The following EGFLAM variants were observed in gnomAD, a reference collection of about 807,000 sequenced individuals.
The protein encoded by EGFLAM is EGF like, fibronectin type III and laminin G domains, also known as pikachurin.
Under a neutral mutation model 113.1 loss-of-function variants are expected in EGFLAM, and 79 were observed. The observed-to-expected ratio is 0.70, with a 90% confidence interval of 0.58 to 0.84. EGFLAM has a LOEUF of 0.84. Ranked by LOEUF, EGFLAM falls within the 40% of genes least tolerant of loss-of-function variation. The pLI is 0.00. For missense variants in EGFLAM, 1,265 were observed against 1,291.6 expected (o/e 0.98, Z 0.32); for synonymous variants, 504 against 487.6 (o/e 1.03, Z -0.44).
chr5:38,368,555 C>G (rs1366286), intron 5 of EGFLAM, among the ~76,000 whole-genome samples: 79,645 of 152,036 alleles, frequency 0.52, 23,086 homozygotes, highest in African/African-American at 0.79. Context: ...AGCAAAATGA[C>G]TCTCTATTTC....
chr5:38,409,436 T>C (rs1477428767), intron 10 of EGFLAM, among the ~76,000 whole-genome samples: 1 of 151,778 alleles, frequency 6.6e-6, no homozygotes, highest in Non-Finnish European at 1.5e-5. Context: ...GCACTGCAGG[T>C]GCTGTTGAAT....
chr5:38,402,244 C>A (rs958350949), intron 6 of EGFLAM, among the ~76,000 whole-genome samples: 1 of 152,120 alleles, frequency 6.6e-6, no homozygotes, highest in African/African-American at 2.4e-5. Flanking sequence ...CAACAAAAAC[C>A]TGAAAACATA....
At chr5:38,456,667 A>G (rs891628329) in intron 19 of EGFLAM, among the ~76,000 whole-genome samples, 3 of 152,182 alleles carry the variant, frequency 2.0e-5, no homozygotes, top group African/African-American at 7.2e-5. Context: ...GGAATGATCT[A>G]TGGTGCTTTC....
In EGFLAM at chr5:38,448,321, A is replaced by T; in HGVS notation, c.2485A>T (p.Ile829Phe). The change falls in exon 18 of 22, where the codon ATC becomes TTC. Residue 829 changes from isoleucine to phenylalanine, a missense_variant. Transcript: ENST00000322350. Reference protein sequence around the residue: ...CQKAIIEAIEIPQFIGRSYLT... With the variant: ...CQKAIIEAIEFPQFIGRSYLT... ...CCCAGCGATCATAGAAGCCATTGAGATCCCGCAGTTTATCGGCCGCAGTTA... is the reference window on the plus strand; with the variant it reads ...CCCAGCGATCATAGAAGCCATTGAGTTCCCGCAGTTTATCGGCCGCAGTTA... 1 of 1,614,150 alleles carries T rather than the reference A, an allele frequency of 6.2e-7. No homozygotes were observed. Among genetic ancestry groups the T allele is most frequent in the South Asian group, 1.1e-5 (1 of 91,080 alleles).
At chr5:38,315,866 A>C (rs906650118) in intron 1 of EGFLAM, among the ~76,000 whole-genome samples, 1 of 152,158 alleles carries the variant, frequency 6.6e-6, no homozygotes, top group Non-Finnish European at 1.5e-5. Flanking sequence ...ACCTGAGGTC[A>C]GGAGTTCGAG....
rs2561810 is a variant in EGFLAM, at chr5:38,432,702, T to C, written c.2166+1414T>C. On this transcript the variant is annotated intron_variant, in intron 15 of 21. Transcript: ENST00000322350. ...TCTCTATAGATCTTAGTTGCAAACA[T>C]CTGTAAAACAGGAACAAAAGCTGAG... is the stretch of plus-strand genomic sequence containing the variant. Among the ~76,000 whole-genome samples, 661 of 152,346 alleles carry C rather than the reference T, an allele frequency of 4.3e-3. 6 individuals are homozygous for C. Among genetic ancestry groups the C allele is most frequent in the African/African-American group, 0.015 (638 of 41,578 alleles).
intron 7 of EGFLAM, 113 bp from the exon 8 acceptor site, chr5:38,406,715 T>C: frequency 1.0e-6 from 1 of 985,410 alleles, no homozygotes. Flanking sequence ...ATCTCCATCC[T>C]AGGGTTTTTG....
intron 1 of EGFLAM, among the ~76,000 whole-genome samples, chr5:38,300,377 T>TC (rs1758547399): frequency 1.1e-5 from 1 of 88,168 alleles, no homozygotes; most frequent in African/African-American, 4.0e-5. Context: ...CTCTCTCTCT[T>TC]TTTTTTTTTT....
intron 17 of EGFLAM, chr5:38,445,839 C>A: frequency 1.1e-6 from 1 of 944,288 alleles, no homozygotes. Context: ...CCCCGCCGGC[C>A]AGCCAGAGGA....
At chr5:38,379,573 G>C (rs1242503003) in intron 6 of EGFLAM, among the ~76,000 whole-genome samples, 1 of 152,040 alleles carries the variant, frequency 6.6e-6, no homozygotes, top group Non-Finnish European at 1.5e-5. Flanking sequence ...TCAGTCTTCA[G>C]GCAGATAAGA....
rs115703765 is a variant in EGFLAM, at chr5:38,412,659, G to A, written c.1494+11G>A. ...ACAGGCCAGTCTCAGGTATGTATGAGCCCCACACCCTGCCCACCCCACATA... is the reference window on the plus strand; with the variant it reads ...ACAGGCCAGTCTCAGGTATGTATGAACCCCACACCCTGCCCACCCCACATA... On this transcript the variant is annotated intron_variant, in intron 11 of 21. Transcript: ENST00000322350. 5.6e-4 allele frequency: 898 copies of A among 1,612,686 alleles called. 4 individuals carry two copies. The African/African-American group carries it at 9.7e-3, about 17-fold the overall frequency.
chr5:38,447,553 C>T (rs950129904), intron 17 of EGFLAM, among the ~76,000 whole-genome samples: 52 of 151,966 alleles, frequency 3.4e-4, no homozygotes, highest in Non-Finnish European at 6.8e-4. Flanking sequence ...GTCAGGAGTT[C>T]GAGACCAGCC....
At chr5:38,392,331 A>G (rs140986924) in intron 6 of EGFLAM, among the ~76,000 whole-genome samples, 6,020 of 152,252 alleles carry the variant, frequency 0.04, 391 homozygotes, top group African/African-American at 0.13. Flanking sequence ...ATGTATATGT[A>G]CCAGATTTTC....
chr5:38,305,521 G>C, intron 1 of EGFLAM: 1 of 451,076 alleles, frequency 2.2e-6, no homozygotes, highest in Non-Finnish European at 4.4e-6. Context: ...CAATCCAGGA[G>C]AGGGATATAA....
chr5:38,258,879 CA>C (rs1757424423), intron 1 of EGFLAM, 28 bp downstream of exon 1: 1 of 1,595,926 alleles, frequency 6.3e-7, no homozygotes. Flanking sequence ...CCAGAGCCAC[CA>C]CGCCCCGAGC....
At chr5:38,436,514 G>A (rs1054468291) in intron 16 of EGFLAM, among the ~76,000 whole-genome samples, 3 of 152,294 alleles carry the variant, frequency 2.0e-5, no homozygotes, top group African/African-American at 7.2e-5. Flanking sequence ...TTCGAGGTCT[G>A]TGATACCTCA....
At chr5:38,336,570 T>TAC (rs148241267) in intron 1 of EGFLAM, among the ~76,000 whole-genome samples, 12,958 of 142,158 alleles carry the variant, frequency 0.091, 811 homozygotes, top group African/African-American at 0.16. Flanking sequence ...TGAGACTCCG[T>TAC]ACACACACAC....
rs1742301332 is a variant in EGFLAM, at chr5:38,435,117, TG to T, written c.2167-19del. On this transcript the variant is annotated intron_variant, in intron 15 of 21. Transcript: ENST00000322350. ...TCTGTTTTAAAGTCATACAATGCTT[TG>T]TTTTTAATCTTTTGGCAGGGAGGCT... The T allele has an allele frequency of 6.2e-7, 1 of 1,603,644 alleles. No homozygotes were observed. The highest frequency in any genetic ancestry group is 1.3e-5 in the African/African-American group (1 of 74,826).
chr5:38,444,632 G>A (rs1339338958), intron 17 of EGFLAM, among the ~76,000 whole-genome samples: 1 of 152,064 alleles, frequency 6.6e-6, no homozygotes, highest in Admixed American at 6.5e-5. Flanking sequence ...AAAAAATTAG[G>A]TATAGGGTTA....
Sources: gnomAD v4.1 joint callset for allele counts (sites outside exome capture counted in the v4.1 genomes callset) on GRCh38, gnomAD v4.1.1 for gene constraint, MANE v1.5 for transcripts, NCBI Gene and HGNC (gene_info 2026-07-23, HGNC 2026-07-21) for gene names.